Variants in TBC1D16 observed in about 807,000 individuals in gnomAD.
TBC1D16 encodes CTD-2529O21.1.
In TBC1D16, 58 loss-of-function variants were observed where a neutral mutation model predicts 74.7. That is an observed-to-expected ratio of 0.78 (90% confidence interval 0.63 to 0.97). TBC1D16 has a LOEUF of 0.97. Ranked by LOEUF, TBC1D16 falls within the 50% of genes least tolerant of loss-of-function variation. The pLI, the probability that TBC1D16 is intolerant of heterozygous loss-of-function variation, is 0.00. For synonymous variants in TBC1D16, 493 were observed against 474.7 expected (o/e 1.04, Z -0.50); for missense variants, 1,014 against 1,079.5 (o/e 0.94, Z 0.85).
rs2034676923 is a variant in TBC1D16, at chr17:79,983,466, G to A, written c.779+26694C>T. On this transcript the variant is annotated intron_variant, in intron 3 of 11. Transcript: ENST00000310924. This position sits in a 1 kb window ranked among gnomAD's most constrained non-coding sequence, Gnocchi z 5.6. ...AAACCACATGGTCATCAACAGGAGT[G>A]TGGACAACCTGGGGAACAGCCATGG... 6.6e-6 allele frequency among the ~76,000 whole-genome samples: 1 copy of A among 152,208 alleles called. No homozygotes were observed. The highest frequency in any genetic ancestry group is 2.4e-5 in the African/African-American group (1 of 41,452).
chr17:80,032,632 C>T (rs567987840), intron 1 of TBC1D16, among the ~76,000 whole-genome samples: 95 of 152,274 alleles, frequency 6.2e-4, no homozygotes, highest in African/African-American at 2.1e-3. Flanking sequence ...CTGAGGTGAA[C>T]GGAAAAAGGC....
rs761741375 is a variant in TBC1D16, at chr17:79,949,850, C to G, written c.1273G>C (p.Gly425Arg). ...YKLRKAIFFG[G>R]IDVSIRGEVW... ...TCCCCGCGGATTGACACATCAATAC[C>G]GCCAAAGAAAATGGCCTGGAGGAAG... The change falls in exon 7 of 12, where the codon GGT (glycine) becomes CGT (arginine). Residue 425 changes from glycine to arginine, a missense_variant. Coordinates refer to ENST00000310924, the MANE Select transcript of TBC1D16 (RefSeq NM_019020.4). 1 of 1,612,976 alleles carries G rather than the reference C, an allele frequency of 6.2e-7. No individual in the cohort carries two copies. The highest frequency in any genetic ancestry group is 1.3e-5 in the African/African-American group (1 of 74,868).
chr17:80,018,178 C>CAAAA lies in TBC1D16; in HGVS notation c.-62-4573_-62-4570dup, dbSNP rs535459874. Among the ~76,000 whole-genome samples the CAAAA allele has an allele frequency of 4.5e-4, 39 of 86,114 alleles. 1 individual carries two copies. Among genetic ancestry groups the CAAAA allele is most frequent in the African/African-American group, 1.7e-3 (38 of 22,424 alleles). The allele number at this position is 86,114 out of a possible 152,430, so 56.5% of individuals were successfully genotyped here. A position where few individuals can be genotyped will look rare whatever the true frequency, so the allele number is the denominator to read the frequency against. ...ATACAATTTTAAATTTTCTGGTAAG[C>CAAAA]AAAAAAAAAAAAAAAAGTGAAATTA... On this transcript the variant is annotated intron_variant, in intron 1 of 11. Transcript: ENST00000310924.
At chr17:79,978,295 G>C (rs922943750) in intron 3 of TBC1D16, among the ~76,000 whole-genome samples, 2 of 152,252 alleles carry the variant, frequency 1.3e-5, no homozygotes, top group Non-Finnish European at 2.9e-5. Flanking sequence ...TCTCCGCTCC[G>C]GCGATTAACT....
rs773468374 is a variant in TBC1D16, at chr17:79,940,943, C to T, written c.2220G>A (p.Thr740=). ...PGSESCPYGG[T]VEMPSPKSLR... is the part of the protein sequence containing the mutation. Reference sequence around the variant, plus strand: ...GGGACTTGGGGGAAGGCATCTCCACCGTGCCCCCGTAGGGACAGCTCTCCG... The same window carrying T: ...GGGACTTGGGGGAAGGCATCTCCACTGTGCCCCCGTAGGGACAGCTCTCCG... Residue 740 remains threonine (T), a synonymous_variant, in exon 12 of 12, where the codon ACG becomes ACA. Coordinates refer to ENST00000310924, the MANE Select transcript of TBC1D16 (RefSeq NM_019020.4). This position sits in a 1 kb window ranked among gnomAD's most constrained non-coding sequence, Gnocchi z 5.4. The T allele has an allele frequency of 3.1e-6, 5 of 1,598,348 alleles. No homozygotes were observed. The highest frequency in any genetic ancestry group is 2.3e-5 in the East Asian group (1 of 44,008).
In TBC1D16 at chr17:80,026,787, A is replaced by AG. The variant is rs367622907; in HGVS notation, c.-63+9007dup. Reference sequence around the variant, plus strand: ...GGGACCTGGAGTCCTGCGGGGTTTGAGGGGGGCAAAGAAAACCATTCGTCC... The same window carrying AG: ...GGGACCTGGAGTCCTGCGGGGTTTGAGGGGGGGCAAAGAAAACCATTCGTCC... On this transcript the variant is annotated intron_variant, in intron 1 of 11. Transcript: ENST00000310924. Among the ~76,000 whole-genome samples the AG allele has an allele frequency of 6.4e-4, 96 of 149,766 alleles. 4 individuals are homozygous for AG. The East Asian group carries it at 0.016, about 26-fold the overall frequency.
intron 3 of TBC1D16, among the ~76,000 whole-genome samples, chr17:79,982,701 AT>A (rs934621287): frequency 6.6e-6 from 1 of 151,364 alleles, no homozygotes; most frequent in Non-Finnish European, 1.5e-5. Context: ...AAAAAAAAAA[AT>A]ACAAAAATTA....
In TBC1D16 at chr17:80,005,056, GTGTTTTTGTTGTTCT is replaced by G. The variant is rs903710284; in HGVS notation, c.779+5089_779+5103del. On this transcript the variant is annotated intron_variant, in intron 3 of 11. Coordinates refer to ENST00000310924, the MANE Select transcript of TBC1D16 (RefSeq NM_019020.4). ...ATTTTCACTTAGGGAGCAGAATCTG[GTGTTTTTGTTGTTCT>G]TGTTTTTGTTGTTGTTGTTTTTGTT... Among the ~76,000 whole-genome samples the G allele has an allele frequency of 5.2e-4, 79 of 151,940 alleles. No homozygotes were observed. The East Asian group carries it at 0.015, about 29-fold the overall frequency.
At position 80,000,827 on chromosome 17, in the gene TBC1D16, T is replaced by C. The variant is rs1328417927; in HGVS notation, c.779+9333A>G. Among the ~76,000 whole-genome samples, 1 of 152,144 alleles carries C rather than the reference T, an allele frequency of 6.6e-6. No individual in the cohort carries two copies. Among genetic ancestry groups the C allele is most frequent in the Non-Finnish European group, 1.5e-5 (1 of 68,022 alleles). ...AAGGCCACCCCCTGCGGGTCTTGAGTGGAGCTTGGATTCACAGCTGGGTCT... is the reference window on the plus strand; with the variant it reads ...AAGGCCACCCCCTGCGGGTCTTGAGCGGAGCTTGGATTCACAGCTGGGTCT... On this transcript the variant is annotated intron_variant, in intron 3 of 11. Coordinates refer to ENST00000310924, the MANE Select transcript of TBC1D16 (RefSeq NM_019020.4). The surrounding 1 kb of genome is among the most constrained non-coding windows in gnomAD (Gnocchi z 4.1).
intron 1 of TBC1D16, among the ~76,000 whole-genome samples, chr17:80,033,651 GC>G (rs1284764456): frequency 6.6e-6 from 1 of 152,218 alleles, no homozygotes; most frequent in Non-Finnish European, 1.5e-5. Context: ...GAGCTACTAT[GC>G]CCAGTCCAGG....
intron 3 of TBC1D16, among the ~76,000 whole-genome samples, chr17:79,999,842 C>A (rs936116988): frequency 1.3e-5 from 2 of 152,030 alleles, no homozygotes; most frequent in Non-Finnish European, 2.9e-5. Context: ...CCAGGCCTGG[C>A]CACCCTCGAA....
At position 79,986,283 on chromosome 17, in the gene TBC1D16, C is replaced by T. The variant is rs550112112; in HGVS notation, c.779+23877G>A. ...TCTCACTTTATTCACTGGTCTTGGA[C>T]TTGGGGCCCCAGGTCTATATCCCAA... On this transcript the variant is annotated intron_variant, in intron 3 of 11. Transcript: ENST00000310924. The surrounding 1 kb of genome is among the most constrained non-coding windows in gnomAD (Gnocchi z 6.0). 6.6e-6 allele frequency among the ~76,000 whole-genome samples: 1 copy of T among 152,328 alleles called. No homozygotes were observed. Among genetic ancestry groups the T allele is most frequent in the Admixed American group, 6.5e-5 (1 of 15,310 alleles).
At chr17:80,004,423 G>C (rs961617260) in intron 3 of TBC1D16, among the ~76,000 whole-genome samples, 1 of 152,202 alleles carries the variant, frequency 6.6e-6, no homozygotes, top group Non-Finnish European at 1.5e-5. Flanking sequence ...GCAGCACCGA[G>C]CTTCTGAACG....
Position 80,010,789 on chromosome 17 carries a change from G to A in TBC1D16, c.182-32C>T, listed in dbSNP as rs201663597. ...GGAGCCAGGGGGATGGCACGTTAGAGGCCAGGAGGCTGTGGATGAGGCCCT... is the reference window on the plus strand; with the variant it reads ...GGAGCCAGGGGGATGGCACGTTAGAAGCCAGGAGGCTGTGGATGAGGCCCT... On this transcript the variant is annotated intron_variant, in intron 2 of 11. Transcript: ENST00000310924. This position sits in a 1 kb window ranked among gnomAD's most constrained non-coding sequence, Gnocchi z 8.8. The A allele has an allele frequency of 2.2e-5, 32 of 1,436,674 alleles. No individual in the cohort carries two copies. The African/African-American group carries it at 4.0e-4, about 18-fold the overall frequency. The allele number at this position is 1,436,674 out of a possible 1,614,324, so 89.0% of individuals were successfully genotyped here.
intron 3 of TBC1D16, among the ~76,000 whole-genome samples, chr17:80,002,296 C>T (rs956468942): frequency 3.9e-5 from 6 of 152,220 alleles, no homozygotes; most frequent in African/African-American, 1.4e-4. Context: ...ACGATAACGC[C>T]GTTAATAATT....
chr17:79,932,917 G>C lies in TBC1D16; in HGVS notation c.*7942C>G, dbSNP rs2031344779. The C allele has an allele frequency of 6.6e-6, 1 of 152,182 alleles. No individual in the cohort carries two copies. The highest frequency in any genetic ancestry group is 2.1e-4 in the South Asian group (1 of 4,830). 9.4% of individuals were successfully genotyped at this position (152,182 alleles called of 1,614,324 possible). A position where few individuals can be genotyped will look rare whatever the true frequency, so the allele number is the denominator to read the frequency against. On this transcript the variant is annotated 3_prime_UTR_variant, in exon 12 of 12. Coordinates refer to ENST00000310924, the MANE Select transcript of TBC1D16 (RefSeq NM_019020.4). ...CATAAAATCCCCTCTTTTGTCTCAT[G>C]TTGAAGAGCTGATGACATCGGACCT...
At chr17:79,946,160 A>G (rs1438210919) in intron 9 of TBC1D16, among the ~76,000 whole-genome samples, 2 of 152,206 alleles carry the variant, frequency 1.3e-5, no homozygotes, top group Non-Finnish European at 2.9e-5. Flanking sequence ...AGCGGTCCCC[A>G]ACCTTTTTGG....
rs1399720674 is a variant in TBC1D16 at position 79,961,827 on chromosome 17, C to T, written c.780-9009G>A. 1.3e-5 allele frequency among the ~76,000 whole-genome samples: 2 copies of T among 152,164 alleles called. No individual in the cohort carries two copies. Among genetic ancestry groups the T allele is most frequent in the South Asian group, 2.1e-4 (1 of 4,824 alleles). On this transcript the variant is annotated intron_variant, in intron 3 of 11. Coordinates refer to ENST00000310924, the MANE Select transcript of TBC1D16 (RefSeq NM_019020.4). The surrounding 1 kb of genome is among the most constrained non-coding windows in gnomAD (Gnocchi z 4.8). ...GCAGTGAGCCAAGATCACGAGACTG[C>T]GCTCCAGCCTAGGCAAGAAGAGCAA...
rs916166394 is a variant in TBC1D16, at chr17:80,001,577, C to T, written c.779+8583G>A. Among the ~76,000 whole-genome samples the T allele has an allele frequency of 2.0e-5, 3 of 152,120 alleles. No individual in the cohort carries two copies. The highest frequency in any genetic ancestry group is 7.2e-5 in the African/African-American group (3 of 41,430). ...CCGGGCGCCCTGGTTGGCCCACGACCGGGATCAGGGGTTTGATCCTGAAAT... is the reference window on the plus strand; with the variant it reads ...CCGGGCGCCCTGGTTGGCCCACGACTGGGATCAGGGGTTTGATCCTGAAAT... On this transcript the variant is annotated intron_variant, in intron 3 of 11. Transcript: ENST00000310924. The surrounding 1 kb of genome is among the most constrained non-coding windows in gnomAD (Gnocchi z 5.8).
Sources: gnomAD v4.1 joint callset for allele counts (sites outside exome capture counted in the v4.1 genomes callset) on GRCh38, gnomAD v4.1.1 for gene constraint, Gnocchi (gnomAD v3.1) non-coding constraint, MANE v1.5 for transcripts, NCBI Gene and HGNC (gene_info 2026-07-23, HGNC 2026-07-21) for gene names.